The following USP33 variants were observed in gnomAD, a reference collection of about 807,000 sequenced individuals.
USP33 encodes the protein ubiquitin carboxyl-terminal hydrolase 33.
Under a neutral mutation model 124.2 loss-of-function variants are expected in USP33, and 46 were observed. The ratio of observed to expected loss-of-function variants is 0.37; its 90% CI spans 0.29 to 0.47. USP33 has a LOEUF of 0.47. USP33 is among the 20% of genes least tolerant of loss of function. The probability of loss-of-function intolerance (pLI) is 0.99; values close to 1 mark genes in which losing one functional copy is unlikely to be tolerated. For missense variants in USP33, 851 were observed against 1,070.6 expected (o/e 0.79, Z 2.86); for synonymous variants, 350 against 352.3 (o/e 0.99, Z 0.07).
rs147287599 is a variant in USP33 at position 77,722,326 on chromosome 1, C to G, written c.1390-130G>C. On this transcript the variant is annotated intron_variant, in intron 12 of 23. Transcript: ENST00000370794. ...AAAAAACAAAAAACAAAAAAAAACACGCAAATTGAACTGCTTTCATAGTCA... is the reference window on the plus strand; with the variant it reads ...AAAAAACAAAAAACAAAAAAAAACAGGCAAATTGAACTGCTTTCATAGTCA... 9.1e-6 allele frequency: 8 copies of G among 880,390 alleles called. No individual in the cohort carries two copies. In the East Asian group the frequency reaches 1.7e-4, roughly 18 times the overall value. 54.5% of individuals were successfully genotyped at this position (880,390 alleles called of 1,614,324 possible).
At chr1:77,758,374 G>A (rs1375417600) in intron 1 of USP33, among the ~76,000 whole-genome samples, 1 of 151,556 alleles carries the variant, frequency 6.6e-6, no homozygotes, top group Non-Finnish European at 1.5e-5. Flanking sequence ...GTACAGACGG[G>A]GTTTCACCGT....
intron 7 of USP33, among the ~76,000 whole-genome samples, chr1:77,733,391 TAA>T (rs755662137): frequency 7.0e-5 from 9 of 127,944 alleles, no homozygotes; most frequent in Admixed American, 7.9e-5. Flanking sequence ...AGACCCAGCC[TAA>T]AAAAAAAAAA....
chr1:77,696,800 G>A lies in USP33; in HGVS notation c.*517C>T, dbSNP rs1174398443. ...CCTCCTCTTTCAAAAATATTACACT[G>A]GGCCAGGCGCTGTGGCTCACACCTG... On this transcript the variant is annotated 3_prime_UTR_variant, in exon 24 of 24. Transcript: ENST00000370794. 1 of 152,292 alleles carries A rather than the reference G, an allele frequency of 6.6e-6. No homozygotes were observed. The highest frequency in any genetic ancestry group is 1.5e-5 in the Non-Finnish European group (1 of 68,220). 9.4% of individuals were successfully genotyped at this position (152,292 alleles called of 1,614,324 possible).
chr1:77,723,280 A>T, intron 12 of USP33, 51 bp downstream of exon 12: 2 of 1,330,360 alleles, frequency 1.5e-6, no homozygotes, highest in South Asian at 1.2e-5. Flanking sequence ...TCACATTTTT[A>T]AAAATCATTT....
At chr1:77,734,266 C>T in intron 7 of USP33, 81 bp downstream of exon 7, 1 of 1,077,892 alleles carries the variant, frequency 9.3e-7, no homozygotes, top group African/African-American at 1.6e-5. Context: ...AGTTAGTCAA[C>T]TACTATAGTT....
intron 1 of USP33, among the ~76,000 whole-genome samples, chr1:77,749,057 A>T (rs17100971): frequency 0.017 from 2,645 of 152,270 alleles, 100 homozygotes; most frequent in African/African-American, 0.061. Flanking sequence ...TTACTCATTG[A>T]CATTTTGCTA....
intron 21 of USP33, 24 bp from the exon 22 acceptor site, chr1:77,701,495 C>A: frequency 6.4e-7 from 1 of 1,568,342 alleles, no homozygotes; most frequent in Non-Finnish European, 8.7e-7. Flanking sequence ...AAAAAACAGT[C>A]ATCTAATATC....
At chr1:77,732,191 G>C (rs1190547790) in intron 7 of USP33, among the ~76,000 whole-genome samples, 3 of 151,378 alleles carry the variant, frequency 2.0e-5, no homozygotes, top group Non-Finnish European at 4.4e-5. Flanking sequence ...TCTGTGTCTG[G>C]TTTTCTTATC....
intron 20 of USP33, among the ~76,000 whole-genome samples, chr1:77,712,619 TTGAGCCCAGGAGTTCAAGA>T (rs1408335852): frequency 1.3e-5 from 2 of 152,138 alleles, no homozygotes; most frequent in African/African-American, 4.8e-5. Flanking sequence ...GCCACATGGC[TTGAGCCCAGGAGTTCAAGA>T]TCAGCCCAGG....
At chr1:77,733,613 T>C (rs893349102) in intron 7 of USP33, among the ~76,000 whole-genome samples, 2 of 152,230 alleles carry the variant, frequency 1.3e-5, no homozygotes, top group South Asian at 2.1e-4. Flanking sequence ...TGCTCCAAAA[T>C]CCAAAACTTT....
At chr1:77,707,100 T>A (rs574563680) in intron 21 of USP33, among the ~76,000 whole-genome samples, 173 of 152,272 alleles carry the variant, frequency 1.1e-3, no homozygotes, top group African/African-American at 4.0e-3. Flanking sequence ...CATTACTACA[T>A]AGTAGGAACA....
At chr1:77,758,019 T>C (rs374224378) in intron 1 of USP33, among the ~76,000 whole-genome samples, 9 of 152,086 alleles carry the variant, frequency 5.9e-5, no homozygotes, top group African/African-American at 1.9e-4. Flanking sequence ...ATAAAAAGAC[T>C]TGCTTACTGT....
chr1:77,749,992 T>G (rs985427955), intron 1 of USP33, among the ~76,000 whole-genome samples: 20 of 152,216 alleles, frequency 1.3e-4, no homozygotes, highest in Middle Eastern at 3.2e-3. Flanking sequence ...CTCTCTGCTC[T>G]GCTATTAATT....
At chr1:77,735,735 C>A (rs967776547) in intron 6 of USP33, among the ~76,000 whole-genome samples, 1 of 152,126 alleles carries the variant, frequency 6.6e-6, no homozygotes, top group Non-Finnish European at 1.5e-5. Context: ...TAAGGGAATA[C>A]CTTTATACCT....
intron 21 of USP33, among the ~76,000 whole-genome samples, chr1:77,704,144 G>A (rs1179975940): frequency 1.3e-5 from 2 of 152,094 alleles, no homozygotes; most frequent in African/African-American, 4.8e-5. Context: ...ATATGTGTGT[G>A]TGTATGCATA....
chr1:77,715,585 T>C (rs565449976), intron 18 of USP33, among the ~76,000 whole-genome samples, 157 bp downstream of exon 18: 1 of 152,362 alleles, frequency 6.6e-6, no homozygotes, highest in Non-Finnish European at 1.5e-5. Context: ...CAAAGAATCA[T>C]TCTACATATA....
intron 5 of USP33, among the ~76,000 whole-genome samples, chr1:77,737,052 A>C (rs1678548049): frequency 6.6e-6 from 1 of 152,076 alleles, no homozygotes; most frequent in Admixed American, 6.6e-5. Flanking sequence ...AAAAAAAAAA[A>C]CGAAAAAAAC....
rs928533710 is a variant in USP33, at chr1:77,751,750, G to A, written c.-52+7893C>T. Among the ~76,000 whole-genome samples the A allele has an allele frequency of 7.2e-5, 11 of 151,838 alleles. No homozygotes were observed. In the South Asian group the frequency reaches 1.2e-3, roughly 17 times the overall value. ...GTCGCCCAGGCTTGAGTGCAGTGGC[G>A]CGATCTCAGCTCACTGCAAGCTCCA... On this transcript the variant is annotated intron_variant, in intron 1 of 23. Transcript: ENST00000370794.
At chr1:77,744,111 A>G (rs920295793) in intron 1 of USP33, among the ~76,000 whole-genome samples, 1 of 145,242 alleles carries the variant, frequency 6.9e-6, no homozygotes, top group African/African-American at 2.7e-5. Flanking sequence ...GGACAGAGCA[A>G]GACTCTGTCT....
Sources: gnomAD v4.1 joint callset for allele counts (sites outside exome capture counted in the v4.1 genomes callset) on GRCh38, gnomAD v4.1.1 for gene constraint, MANE v1.5 for transcripts, NCBI Gene and HGNC (gene_info 2026-07-23, HGNC 2026-07-21) for gene names.